ZAN: variants seen among roughly 807,000 people sequenced by gnomAD.
ZAN encodes zonadhesin (gene/pseudogene).
ZAN carries 260 observed loss-of-function variants against 286.2 expected under a neutral mutation model. The ratio of observed to expected loss-of-function variants is 0.91; its 90% CI spans 0.82 to 1.01. The LOEUF (loss-of-function observed/expected upper bound fraction) is 1.01. Ranked by LOEUF, ZAN falls within the 50% of genes least tolerant of loss-of-function variation. ZAN has a pLI of 0.00. For synonymous variants in ZAN, 1,368 were observed against 1,417.5 expected (o/e 0.97, Z 0.79); for missense variants, 3,410 against 3,639.2 (o/e 0.94, Z 1.62).
rs1809727830 is a variant in ZAN at position 100,763,388 on chromosome 7, T to G, written c.3987-418T>G. On this transcript the variant is annotated intron_variant, in intron 20 of 47. Coordinates refer to ENST00000613979, the MANE Select transcript of ZAN (RefSeq NM_003386.3). The surrounding 1 kb of genome is among the most constrained non-coding windows in gnomAD (Gnocchi z 4.6). ...TTTTGTTTGTTTGTTTGTTTGTTTT[T>G]AGAGACAGGGCCTTGCTCTGTCGCC... is the stretch of plus-strand genomic sequence containing the variant. Among the ~76,000 whole-genome samples, 1 of 152,128 alleles carries G rather than the reference T, an allele frequency of 6.6e-6. No homozygotes were observed. The highest frequency in any genetic ancestry group is 2.4e-5 in the African/African-American group (1 of 41,426).
Position 100,752,392 on chromosome 7 carries a change from A to G in ZAN, c.2287A>G (p.Thr763Ala). ...CTCCCCAGAAAAACCCACCACCCCC[A>G]CAGAAAAACCCACCATCTCCCCAGA... ...TISPEKPTTP[T>A]EKPTISPEKL... is the part of the protein sequence containing the mutation. Residue 763 changes from threonine (T) to alanine (A), a missense_variant, in exon 14 of 48, where the codon ACA becomes GCA. Physicochemically the swap from Thr to Ala is moderately conservative, Grantham distance 58. This residue lies in a region of ZAN where 39 missense variants were observed against 76.9 expected (regional missense o/e 0.51). Transcript: ENST00000613979. The G allele has an allele frequency of 6.5e-7, 1 of 1,539,738 alleles. No homozygotes were observed. The highest frequency in any genetic ancestry group is 8.8e-7 in the Non-Finnish European group (1 of 1,140,788).
intron 15 of ZAN, among the ~76,000 whole-genome samples, chr7:100,756,814 G>A (rs1562929711): frequency 1.3e-5 from 2 of 151,944 alleles, no homozygotes; most frequent in East Asian, 1.9e-4. Flanking sequence ...TGTTGCCCAC[G>A]CTGGAGTGCA....
At chr7:100,773,538 T>A (rs753962033) in intron 30 of ZAN, 45 bp downstream of exon 30, 10 of 1,600,966 alleles carry the variant, frequency 6.2e-6, no homozygotes, top group Non-Finnish European at 8.5e-6. Flanking sequence ...CAGGCCCACA[T>A]GTTTGGGGTC....
intron 29 of ZAN, 60 bp from the exon 30 acceptor site, chr7:100,773,225 C>A: frequency 6.3e-7 from 1 of 1,586,182 alleles, no homozygotes. Context: ...CTTTTGATGC[C>A]CCAAGGTTTG....
chr7:100,779,879 G>A (rs1161666114), intron 35 of ZAN, 129 bp downstream of exon 35: 96 of 1,051,068 alleles, frequency 9.1e-5, no homozygotes, highest in Middle Eastern at 3.3e-4. Flanking sequence ...TCTTTGACAA[G>A]GACTATTTTT....
Position 100,753,062 on chromosome 7 carries a change from C to T in ZAN, c.2957C>T (p.Pro986Leu). 1 of 1,613,968 alleles carries T rather than the reference C, an allele frequency of 6.2e-7. No individual in the cohort carries two copies. Among genetic ancestry groups the T allele is most frequent in the African/African-American group, 1.3e-5 (1 of 75,058 alleles). The change falls in exon 14 of 48, where the codon CCC becomes CTC. Residue 986 changes from proline (P) to leucine (L), a missense_variant. By Grantham distance (98) the Pro-to-Leu change is moderately conservative. Around this residue, in one of 7 missense-constraint regions of ZAN, gnomAD observed 1,042 missense variants for 1,058.0 expected, o/e 0.98. Coordinates refer to ENST00000613979, the MANE Select transcript of ZAN (RefSeq NM_003386.3). ...LTIPTEKPTI[P>L]TEKPTIPTEK... ...ATCCCCACGGAAAAACCCACCATCC[C>T]CACAGAAAAACCCACCATTCCCACA...
intron 39 of ZAN, among the ~76,000 whole-genome samples, chr7:100,790,502 C>T (rs1046866630): frequency 6.7e-6 from 1 of 148,346 alleles, no homozygotes; most frequent in Non-Finnish European, 1.5e-5. Flanking sequence ...GCGGAGCTTG[C>T]AGTGAGCGGA....
At chr7:100,743,155 C>G (rs879917282) in intron 7 of ZAN, among the ~76,000 whole-genome samples, 9 of 151,326 alleles carry the variant, frequency 5.9e-5, no homozygotes, top group Non-Finnish European at 1.0e-4. Flanking sequence ...TCCCGAGTAG[C>G]TGGGATTACA....
rs1562952416 is a variant in ZAN at position 100,783,791 on chromosome 7, T to TATATATATATATACACAC, written c.6623-823_6623-822insTATACACACATATATATA. On this transcript the variant is annotated intron_variant, in intron 35 of 47. Coordinates refer to ENST00000613979, the MANE Select transcript of ZAN (RefSeq NM_003386.3). Reference sequence around the variant, plus strand: ...ATATATATATATATATATACACATATATATATATACACACATATATATATA... The same window carrying TATATATATATATACACAC: ...ATATATATATATATATATACACATATATATATATATATACACACATATATATACACACATATATATATA... Among the ~76,000 whole-genome samples, 21 of 14,934 alleles carry TATATATATATATACACAC rather than the reference T, an allele frequency of 1.4e-3. 1 individual carries two copies. Among genetic ancestry groups the TATATATATATATACACAC allele is most frequent in the African/African-American group, 2.6e-3 (21 of 8,186 alleles). 9.8% of individuals were successfully genotyped at this position (14,934 alleles called of 152,430 possible). A position where few individuals can be genotyped will look rare whatever the true frequency, so the allele number is the denominator to read the frequency against.
intron 7 of ZAN, among the ~76,000 whole-genome samples, chr7:100,746,296 G>A (rs1458468896): frequency 1.3e-5 from 2 of 152,176 alleles, no homozygotes; most frequent in African/African-American, 2.4e-5. Context: ...AGTTCTAGTT[G>A]CTGCTTTGGA....
intron 7 of ZAN, among the ~76,000 whole-genome samples, chr7:100,745,180 GCCCGTGT>G (rs1808106424): frequency 1.3e-5 from 2 of 151,814 alleles, no homozygotes; most frequent in African/African-American, 4.8e-5. Flanking sequence ...CACCGCGCCA[GCCCGTGT>G]CCTTGATTTC....
chr7:100,738,694 T>C, intron 7 of ZAN, 81 bp downstream of exon 7: 2 of 1,353,678 alleles, frequency 1.5e-6, no homozygotes, highest in Non-Finnish European at 2.0e-6. Context: ...CGGTCTGTCA[T>C]GAACACCTAC....
chr7:100,775,617 G>A, intron 32 of ZAN, 42 bp downstream of exon 32: 1 of 1,611,294 alleles, frequency 6.2e-7, no homozygotes, highest in Non-Finnish European at 8.5e-7. Context: ...GGAGTGCTGG[G>A]GAGGGGACTC....
chr7:100,752,182 A>G lies in ZAN; in HGVS notation c.2077A>G (p.Thr693Ala), dbSNP rs751190118. 1.9e-6 allele frequency: 3 copies of G among 1,610,444 alleles called. No homozygotes were observed. In the East Asian group the frequency reaches 6.7e-5, roughly 36 times the overall value. ...SIPTEKPSIP[T>A]EKPTISMEET... ...CCCTACAGAAAAACCCAGCATCCCC[A>G]CGGAAAAACCCACCATCTCCATGGA... is the stretch of plus-strand genomic sequence containing the variant. Residue 693 changes from threonine (T) to alanine (A), a missense_variant, in exon 14 of 48, where the codon ACG (threonine) becomes GCG (alanine). Physicochemically the swap from Thr to Ala is moderately conservative, Grantham distance 58. Coordinates refer to ENST00000613979, the MANE Select transcript of ZAN (RefSeq NM_003386.3).
At position 100,785,994 on chromosome 7, in the gene ZAN, C is replaced by T. The variant is rs370331663; in HGVS notation, c.6835-3C>T. The T allele has an allele frequency of 1.7e-4, 282 of 1,612,854 alleles. 2 individuals carry two copies. In the African/African-American group the frequency reaches 2.8e-3, roughly 16 times the overall value. ...TCTCTTTCTCTTCCTGTAACTTCTA[C>T]AGCTGGGCAAGAGCTGGGTCTCCAG... On this transcript the variant is annotated splice_region_variant and splice_polypyrimidine_tract_variant and intron_variant, in intron 36 of 47. Coordinates refer to ENST00000613979, the MANE Select transcript of ZAN (RefSeq NM_003386.3).
At position 100,779,683 on chromosome 7, in the gene ZAN, A is replaced by G. The variant is rs1360579092; in HGVS notation, c.6555A>G (p.Gln2185=). 1.3e-6 allele frequency: 2 copies of G among 1,564,596 alleles called. No homozygotes were observed. Among genetic ancestry groups the G allele is most frequent in the East Asian group, 4.8e-5 (2 of 41,842 alleles). ...GLYQALCQAL[Q]AFGATCQSQG... is the part of the protein sequence containing the mutation. The stretch of plus-strand genomic sequence containing the variant: ...ACCAGGCCCTCTGCCAGGCTCTGCA[A>G]GCCTTCGGGGCCACCTGCCAGAGCC... The change falls in exon 35 of 48, where the codon CAA becomes CAG. Residue 2185 remains glutamine (Q), a synonymous_variant. Transcript: ENST00000613979.
chr7:100,766,316 G>A (rs1809967683), intron 23 of ZAN, among the ~76,000 whole-genome samples: 1 of 152,110 alleles, frequency 6.6e-6, no homozygotes, highest in African/African-American at 2.4e-5. Flanking sequence ...TTGAAATGAT[G>A]AACAGACCCA....
Position 100,735,707 on chromosome 7 carries a change from A to G in ZAN, c.54-13A>G. 6.7e-7 allele frequency: 1 copy of G among 1,501,536 alleles called. No individual in the cohort carries two copies. Among genetic ancestry groups the G allele is most frequent in the East Asian group, 2.3e-5 (1 of 43,440 alleles). 93.0% of individuals were successfully genotyped at this position (1,501,536 alleles called of 1,614,324 possible). A position where few individuals can be genotyped will look rare whatever the true frequency, so the allele number is the denominator to read the frequency against. On this transcript the variant is annotated splice_polypyrimidine_tract_variant and intron_variant, in intron 2 of 47. Transcript: ENST00000613979. ...ACGAGTTGCATTTTTGCTTTCTTCA[A>G]ACGACCCCCAAGGAAAGAGAAGCCT... is the stretch of plus-strand genomic sequence containing the variant.
rs1344131329 is a variant in ZAN, at chr7:100,750,606, G to A, written c.1250-19G>A. The A allele has an allele frequency of 1.9e-6, 3 of 1,611,690 alleles. No individual in the cohort carries two copies. The highest frequency in any genetic ancestry group is 2.5e-6 in the Non-Finnish European group (3 of 1,179,042). ...CCTGTGCAGGCTTCTTACCTTGCCT[G>A]TTCCCTTCCTTTGCCTAGGGGGTCA... is the stretch of plus-strand genomic sequence containing the variant. On this transcript the variant is annotated intron_variant, in intron 11 of 47. Transcript: ENST00000613979.
Sources: gnomAD v4.1 joint callset for allele counts (sites outside exome capture counted in the v4.1 genomes callset) on GRCh38, gnomAD v4.1.1 for gene constraint, gnomAD v4.1.1 regional missense constraint, Gnocchi (gnomAD v3.1) non-coding constraint, MANE v1.5 for transcripts, NCBI Gene and HGNC (gene_info 2026-07-23, HGNC 2026-07-21) for gene names.